Variants in ANKRD31 observed in about 807,000 individuals in gnomAD.
ANKRD31 encodes the protein ankyrin repeat domain 31.
Under a neutral mutation model 186.0 loss-of-function variants are expected in ANKRD31, and 147 were observed. That is an observed-to-expected ratio of 0.79 (90% CI 0.69 to 0.91). ANKRD31 has a LOEUF of 0.91. ANKRD31 is among the 40% of genes least tolerant of loss of function. The probability of loss-of-function intolerance (pLI) is 0.00; values close to 1 mark genes in which losing one functional copy is unlikely to be tolerated. For synonymous variants in ANKRD31, 673 were observed against 736.4 expected, an observed-to-expected ratio of 0.91 and a Z score of 1.39; for missense variants, 1,986 against 2,148.8, an observed-to-expected ratio of 0.92 and a Z score of 1.50.
intron 17 of ANKRD31, among the ~76,000 whole-genome samples, chr5:75,137,026 G>A (rs942910537): frequency 3.9e-5 from 6 of 152,038 alleles, no homozygotes; most frequent in Admixed American, 3.3e-4. Context: ...GGTGGGGGTA[G>A]GGGGGAGGGA....
intron 5 of ANKRD31, among the ~76,000 whole-genome samples, chr5:75,206,151 G>C (rs10051040): frequency 0.52 from 72,283 of 139,424 alleles, 21,330 homozygotes; most frequent in African/African-American, 0.82. Flanking sequence ...GCTAAGGCAG[G>C]ATAATTTGCC....
chr5:75,189,488 C>T (rs887201171), intron 9 of ANKRD31, among the ~76,000 whole-genome samples: 1 of 152,156 alleles, frequency 6.6e-6, no homozygotes, highest in African/African-American at 2.4e-5. Context: ...TATCAACTGC[C>T]TTGCCGTTTG....
intron 5 of ANKRD31, among the ~76,000 whole-genome samples, chr5:75,202,062 TACTTCATC>T (rs764829686): frequency 5.3e-5 from 8 of 152,222 alleles, no homozygotes; most frequent in Non-Finnish European, 1.0e-4. Context: ...AAAACCAATG[TACTTCATC>T]TTACACATAT....
At chr5:75,133,967 C>T (rs1214335466) in intron 17 of ANKRD31, among the ~76,000 whole-genome samples, 7 of 151,878 alleles carry the variant, frequency 4.6e-5, no homozygotes, top group South Asian at 2.1e-4. Flanking sequence ...TGGAAACCAA[C>T]GAGAACAGAC....
At chr5:75,094,024 CTTTT>C (rs1322936787) in intron 22 of ANKRD31, among the ~76,000 whole-genome samples, 1 of 152,176 alleles carries the variant, frequency 6.6e-6, no homozygotes, top group Non-Finnish European at 1.5e-5. Flanking sequence ...TATTTCTTCT[CTTTT>C]TGTCTCAACA....
chr5:75,084,829 C>G (rs1000880920), intron 23 of ANKRD31, among the ~76,000 whole-genome samples: 2 of 152,096 alleles, frequency 1.3e-5, no homozygotes, highest in African/African-American at 4.8e-5. Context: ...TTCAAGAAAT[C>G]ACATATTTAA....
In ANKRD31 at chr5:75,191,548, T is replaced by C. The variant is rs1482246581; in HGVS notation, c.1408+1119A>G. On this transcript the variant is annotated intron_variant, in intron 9 of 25. Transcript: ENST00000506364. ...GAAATTTTCTCATAGCTACTCTCTA[T>C]CACTGTAAAACAGTACAAAATAAAA... Among the ~76,000 whole-genome samples, 6 of 152,172 alleles carry C rather than the reference T, an allele frequency of 3.9e-5. No homozygotes were observed. The South Asian group carries it at 1.2e-3, about 32-fold the overall frequency.
rs1403103165 is a variant in ANKRD31 at position 75,195,611 on chromosome 5, C to A, written c.1017+20G>T. The A allele has an allele frequency of 6.7e-7, 1 of 1,488,114 alleles. No individual in the cohort carries two copies. Among genetic ancestry groups the A allele is most frequent in the African/African-American group, 1.4e-5 (1 of 71,892 alleles). The allele number at this position is 1,488,114 out of a possible 1,614,324, so 92.2% of individuals were successfully genotyped here. A position where few individuals can be genotyped will look rare whatever the true frequency, so the allele number is the denominator to read the frequency against. On this transcript the variant is annotated intron_variant, in intron 7 of 25. Coordinates refer to ENST00000506364, the MANE Select transcript of ANKRD31 (RefSeq NM_001372053.1). ...ACCATGTTCAAATGGTGGAGTAGAA[C>A]AAAGAAATTCAAAATTCACCTCTGC...
rs1755250833 is a variant in ANKRD31 at position 75,193,449 on chromosome 5, G to A, written c.1160C>T (p.Ser387Leu). 3 of 1,537,362 alleles carry A rather than the reference G, an allele frequency of 2.0e-6. No individual in the cohort carries two copies. The highest frequency in any genetic ancestry group is 1.7e-6 in the Non-Finnish European group (2 of 1,146,810). ...TACTTTCAGTTTTTCTAGTCTGGAT[G>A]ATCTCCTCAACACACACGCAGTTTC... The part of the protein sequence containing the change: ...DQETACVLRR[S>L]SRLEKLKVSR... The change falls in exon 8 of 26, where the codon TCA (serine) becomes TTA (leucine). Residue 387 changes from serine (S) to leucine (L), a missense_variant. Physicochemically the swap from Ser to Leu is moderately radical, Grantham distance 145. Transcript: ENST00000506364.
intron 22 of ANKRD31, 121 bp downstream of exon 22, chr5:75,104,107 C>T: frequency 1.3e-6 from 1 of 794,126 alleles, no homozygotes; most frequent in Non-Finnish European, 1.9e-6. Context: ...TCCCTCCATT[C>T]AGGAAGCTCA....
chr5:75,230,183 C>T (rs1757866855), intron 2 of ANKRD31, among the ~76,000 whole-genome samples: 1 of 152,112 alleles, frequency 6.6e-6, no homozygotes, highest in Non-Finnish European at 1.5e-5. Flanking sequence ...GCCTCCAGTC[C>T]GGGGTTGGTT....
At chr5:75,199,737 G>A in intron 5 of ANKRD31, 63 bp from the exon 6 acceptor site, 1 of 1,315,474 alleles carries the variant, frequency 7.6e-7, no homozygotes, top group Non-Finnish European at 1.0e-6. Flanking sequence ...TACCTTCTCA[G>A]TTGACATTTC....
intron 25 of ANKRD31, among the ~76,000 whole-genome samples, chr5:75,072,875 A>G (rs1226504784): frequency 6.6e-6 from 1 of 152,244 alleles, no homozygotes; most frequent in East Asian, 1.9e-4. Context: ...AAAGATGAAT[A>G]CACACAGAAA....
At chr5:75,224,131 A>ATT (rs1391826677) in intron 2 of ANKRD31, among the ~76,000 whole-genome samples, 443 of 31,876 alleles carry the variant, frequency 0.014, 14 homozygotes, top group Middle Eastern at 0.061. Context: ...AGAAATAATT[A>ATT]TATATATATA....
intron 15 of ANKRD31, 78 bp downstream of exon 15, chr5:75,143,923 T>C (rs1751237700): frequency 2.5e-6 from 1 of 394,922 alleles, no homozygotes; most frequent in Admixed American, 4.4e-5. Context: ...TCTGAAAGTT[T>C]AGAAATTCCT....
At chr5:75,093,200 G>A (rs930863237) in intron 22 of ANKRD31, among the ~76,000 whole-genome samples, 5 of 152,152 alleles carry the variant, frequency 3.3e-5, no homozygotes, top group African/African-American at 1.2e-4. Context: ...TCCCAAACTG[G>A]CCGGGCACGG....
rs137928530 is a variant in ANKRD31 at position 75,132,122 on chromosome 5, G to A, written c.3876+5734C>T. Among the ~76,000 whole-genome samples the A allele has an allele frequency of 2.4e-3, 363 of 152,334 alleles. 2 individuals are homozygous for A. The highest frequency in any genetic ancestry group is 8.4e-3 in the African/African-American group (349 of 41,568). On this transcript the variant is annotated intron_variant, in intron 17 of 25. Transcript: ENST00000506364. ...AGCGCCTCTTCTCCTCCAAAGGAAC[G>A]CAGCTCCTCGCCAGCAATGGAGCAA... is the stretch of plus-strand genomic sequence containing the variant.
At chr5:75,158,199 C>A (rs923870990) in intron 11 of ANKRD31, among the ~76,000 whole-genome samples, 1 of 152,062 alleles carries the variant, frequency 6.6e-6, no homozygotes, top group African/African-American at 2.4e-5. Context: ...AGTCTATAAG[C>A]CACACCAGAT....
chr5:75,181,667 A>T (rs1010305999), intron 10 of ANKRD31, among the ~76,000 whole-genome samples: 2 of 145,104 alleles, frequency 1.4e-5, no homozygotes, highest in African/African-American at 5.1e-5. Flanking sequence ...TCTCACTCAT[A>T]GGTGGGAATT....
Sources: gnomAD v4.1 joint callset for allele counts (sites outside exome capture counted in the v4.1 genomes callset) on GRCh38, gnomAD v4.1.1 for gene constraint, MANE v1.5 for transcripts, NCBI Gene and HGNC (gene_info 2026-07-23, HGNC 2026-07-21) for gene names.